PLB1: variants seen among roughly 807,000 people sequenced by gnomAD.
PLB1 encodes phospholipase B1, membrane-associated.
In PLB1, 242 loss-of-function variants were observed where a neutral mutation model predicts 227.4. The observed-to-expected ratio is 1.06, with a 90% CI of 0.96 to 1.18. The LOEUF is 1.18. PLB1 is among the 50% of genes most tolerant of loss of function. PLB1 has a pLI of 0.00. For missense variants in PLB1, 1,858 were observed against 1,816.3 expected (o/e 1.02, Z -0.42); for synonymous variants, 757 against 682.2 (o/e 1.11, Z -1.71).
chr2:28,588,109 A>G (rs1417105644), intron 26 of PLB1, among the ~76,000 whole-genome samples: 1 of 149,670 alleles, frequency 6.7e-6, no homozygotes, highest in African/African-American at 2.5e-5. Context: ...CGGCTCTCTC[A>G]CTCTCCCTGG....
intron 9 of PLB1, among the ~76,000 whole-genome samples, chr2:28,535,544 G>A (rs1671570930): frequency 6.6e-6 from 1 of 152,204 alleles, no homozygotes; most frequent in South Asian, 2.1e-4. Context: ...CAGCATCCTT[G>A]TTTGAGAAGT....
At chr2:28,517,346 C>T (rs1457210293) in intron 2 of PLB1, among the ~76,000 whole-genome samples, 2 of 150,918 alleles carry the variant, frequency 1.3e-5, no homozygotes, top group Non-Finnish European at 3.0e-5. Flanking sequence ...TCCCCCGCTT[C>T]CACTCTCAAT....
chr2:28,575,779 C>T (rs552227099), intron 21 of PLB1, among the ~76,000 whole-genome samples: 1 of 152,290 alleles, frequency 6.6e-6, no homozygotes, highest in South Asian at 2.1e-4. Context: ...TCTCGATCTC[C>T]TGACCTCATG....
At chr2:28,563,324 A>T (rs528098968) in intron 18 of PLB1, among the ~76,000 whole-genome samples, 1 of 151,900 alleles carries the variant, frequency 6.6e-6, no homozygotes, top group Non-Finnish European at 1.5e-5. Flanking sequence ...TCCTCCCCCA[A>T]TGCTGAGATG....
At chr2:28,629,266 G>A in intron 53 of PLB1, 81 bp downstream of exon 53, 4 of 1,330,390 alleles carry the variant, frequency 3.0e-6, no homozygotes, top group Non-Finnish European at 4.2e-6. Context: ...GAGACCAGTT[G>A]AGGCAGAGCC....
At chr2:28,510,014 C>T (rs1292191209) in intron 1 of PLB1, among the ~76,000 whole-genome samples, 1 of 152,054 alleles carries the variant, frequency 6.6e-6, no homozygotes, top group Non-Finnish European at 1.5e-5. Context: ...ATTGTGACAC[C>T]CCAGAGCAGT....
In PLB1 at chr2:28,630,662, C is replaced by T. The variant is rs1458886939; in HGVS notation, c.3895C>T (p.Gln1299Ter). 2 of 1,610,516 alleles carry T rather than the reference C, an allele frequency of 1.2e-6. No homozygotes were observed. The highest frequency in any genetic ancestry group is 1.7e-5 in the Admixed American group (1 of 59,598). Residue 1299 changes from glutamine to a stop codon, truncating the protein, a stop_gained and splice_region_variant, in exon 54 of 58, where the codon CAG (glutamine) becomes TAG (stop). Coordinates refer to ENST00000327757, the MANE Select transcript of PLB1 (RefSeq NM_153021.5). LOFTEE classifies it high-confidence loss of function. Reference sequence around the variant, plus strand: ...ACTGAAGAAAGTGAACTGGAACCTCCAGGTAAGCCCTGCAGCCCTTCTCTT... The same window carrying T: ...ACTGAAGAAAGTGAACTGGAACCTCTAGGTAAGCCCTGCAGCCCTTCTCTT... ...QELKKVNWNL[Q>*]HGISSFSYWH...
chr2:28,543,367 G>A, intron 14 of PLB1, 99 bp downstream of exon 14: 3 of 1,281,754 alleles, frequency 2.3e-6, no homozygotes, highest in Non-Finnish European at 3.2e-6. Context: ...GGGCGCCCCA[G>A]GATCCCAGGA....
At chr2:28,589,891 A>G (rs934493491) in intron 28 of PLB1, 114 bp from the exon 29 acceptor site, 5 of 1,360,308 alleles carry the variant, frequency 3.7e-6, no homozygotes, top group East Asian at 2.3e-5. Context: ...GGCAATGACA[A>G]ACAAACCCCA....
intron 56 of PLB1, among the ~76,000 whole-genome samples, chr2:28,638,827 GAAA>G (rs35972276): frequency 1.1e-3 from 72 of 63,594 alleles, no homozygotes; most frequent in African/African-American, 3.7e-3. Context: ...GCTGGAGATT[GAAA>G]AAAAAAAAAA....
chr2:28,534,646 G>A (rs1422696779), intron 9 of PLB1, among the ~76,000 whole-genome samples: 4 of 152,146 alleles, frequency 2.6e-5, no homozygotes, highest in Admixed American at 1.3e-4. Context: ...ACAAGGTTAG[G>A]AGTTTGAGAC....
chr2:28,642,280 A>G (rs55924072), intron 57 of PLB1, among the ~76,000 whole-genome samples: 39,008 of 152,068 alleles, frequency 0.26, 5,148 homozygotes, highest in East Asian at 0.31. Flanking sequence ...TTAACCCTCC[A>G]GTCTCATCAC....
intron 56 of PLB1, among the ~76,000 whole-genome samples, chr2:28,634,828 TTGAGCA>T (rs1330462580): frequency 6.6e-6 from 1 of 152,026 alleles, no homozygotes; most frequent in Non-Finnish European, 1.5e-5. Flanking sequence ...AGAAGATCAC[TTGAGCA>T]TGGGAGGTCA....
At chr2:28,573,338 C>G (rs765270754) in intron 21 of PLB1, 33 bp downstream of exon 21, 2 of 1,530,766 alleles carry the variant, frequency 1.3e-6, no homozygotes, top group Admixed American at 3.3e-5. Flanking sequence ...GTGAACAGCA[C>G]AGGTCCTCTG....
chr2:28,538,416 G>A (rs763899592), intron 10 of PLB1, 35 bp downstream of exon 10: 34 of 1,586,470 alleles, frequency 2.1e-5, no homozygotes, highest in Non-Finnish European at 2.8e-5. Flanking sequence ...CCCAAGGGCA[G>A]TGGGGCCCAT....
Position 28,633,027 on chromosome 2 carries a change from C to G in PLB1, c.4086C>G (p.Leu1362=), listed in dbSNP as rs373910705. The G allele has an allele frequency of 8.7e-6, 14 of 1,613,878 alleles. No individual in the cohort carries two copies. In the African/African-American group the frequency reaches 1.7e-4, roughly 20 times the overall value. Residue 1362 remains leucine, a synonymous_variant, in exon 56 of 58, where the codon CTC becomes CTG. Transcript: ENST00000327757. ...DRGHAEMAIA[L]WNNMLEPVGR... ...GGCATGCCGAGATGGCCATCGCACT[C>G]TGGAACAACATGGTGAGCAGCCAAG... is the stretch of plus-strand genomic sequence containing the variant.
intron 9 of PLB1, among the ~76,000 whole-genome samples, chr2:28,532,828 C>T (rs997837747): frequency 6.6e-6 from 1 of 152,160 alleles, no homozygotes; most frequent in Non-Finnish European, 1.5e-5. Context: ...AGTGCTTTGG[C>T]TTTTCTGGAA....
chr2:28,617,682 G>A (rs181125555), intron 44 of PLB1, 45 bp from the exon 45 acceptor site: 1 of 1,588,776 alleles, frequency 6.3e-7, no homozygotes, highest in Non-Finnish European at 8.6e-7. Context: ...TTATCTCCCT[G>A]CACAATGAGT....
chr2:28,533,033 C>T (rs1671226775), intron 9 of PLB1, among the ~76,000 whole-genome samples: 1 of 152,130 alleles, frequency 6.6e-6, no homozygotes, highest in African/African-American at 2.4e-5. Flanking sequence ...CCACACTGTC[C>T]CTGCCACTTG....
Sources: gnomAD v4.1 joint callset for allele counts (sites outside exome capture counted in the v4.1 genomes callset) on GRCh38, gnomAD v4.1.1 for gene constraint, MANE v1.5 for transcripts, NCBI Gene and HGNC (gene_info 2026-07-23, HGNC 2026-07-21) for gene names.